Variants in ZNF184 observed in about 807,000 individuals in gnomAD.
The protein encoded by ZNF184 is zinc finger protein 184 (Kruppel-like).
In ZNF184, 16 loss-of-function variants were observed where a neutral mutation model predicts 54.4. The ratio of observed to expected loss-of-function variants is 0.29; its 90% CI spans 0.20 to 0.45. The LOEUF (loss-of-function observed/expected upper bound fraction) is 0.45, where lower values mean the gene tolerates loss of function less well. ZNF184 is among the 20% of genes least tolerant of loss of function. ZNF184 has a pLI of 1.00. For synonymous variants in ZNF184, 254 were observed against 295.3 expected (o/e 0.86, Z 1.43); for missense variants, 681 against 888.2 (o/e 0.77, Z 2.97).
chr6:27,468,023 G>A (rs150788726), intron 2 of ZNF184, 103 bp from the exon 3 acceptor site: 18 of 982,392 alleles, frequency 1.8e-5, no homozygotes, highest in Middle Eastern at 2.2e-4. Flanking sequence ...CAGAAACTAT[G>A]CCATTTCCTT....
At position 27,452,749 on chromosome 6, in the gene ZNF184, T is replaced by C. The variant is rs753493767; in HGVS notation, c.810A>G (p.Arg270=). ...SRSENLINHQ[R]IHTGDKPYKC... ...TATATGGTTTATCTCCAGTATGAATTCTTTGATGGTTTATAAGGTTTTCAC... is the reference window on the plus strand; with the variant it reads ...TATATGGTTTATCTCCAGTATGAATCCTTTGATGGTTTATAAGGTTTTCAC... The change falls in exon 6 of 6, where the codon AGA becomes AGG. Residue 270 remains arginine (R), a synonymous_variant. Coordinates refer to ENST00000683788, the MANE Select transcript of ZNF184 (RefSeq NM_001318891.2). The surrounding 1 kb of genome is among the most constrained non-coding windows in gnomAD (Gnocchi z 5.5). The C allele has an allele frequency of 1.2e-6, 2 of 1,614,024 alleles. No homozygotes were observed. The highest frequency in any genetic ancestry group is 1.7e-6 in the Non-Finnish European group (2 of 1,179,996).
chr6:27,422,148 A>AAAAAAAAGAAAG, the ZNF184 span, among the ~76,000 whole-genome samples: 1 of 43,454 alleles, frequency 2.3e-5, no homozygotes, highest in African/African-American at 8.5e-5. Flanking sequence ...CTCAAAAAAA[A>AAAAAAAAGAAAG]AAAGAAAGAA....
At chr6:27,426,728 T>A in the ZNF184 span, among the ~76,000 whole-genome samples, 1 of 152,250 alleles carries the variant, frequency 6.6e-6, no homozygotes, top group African/African-American at 2.4e-5. This position sits in a 1 kb window ranked among gnomAD's most constrained non-coding sequence, Gnocchi z 4.2. Flanking sequence ...CAGATTTCAG[T>A]TCCTTTGGAC....
intron 3 of ZNF184, among the ~76,000 whole-genome samples, chr6:27,459,655 C>T (rs2113722544): frequency 6.6e-6 from 1 of 152,172 alleles, no homozygotes; most frequent in African/African-American, 2.4e-5. Flanking sequence ...TCTGGTCTTC[C>T]TACTTCTAGG....
At chr6:27,465,584 T>TA (rs1763115772) in intron 3 of ZNF184, among the ~76,000 whole-genome samples, 1 of 130,672 alleles carries the variant, frequency 7.7e-6, no homozygotes, top group Admixed American at 7.7e-5. Context: ...AAAGCAAAAA[T>TA]ATATAAAAAT....
the ZNF184 span, chr6:27,404,782 C>G: frequency 6.6e-6 from 1 of 151,992 alleles, no homozygotes; most frequent in East Asian, 1.9e-4. Flanking sequence ...TTTGGGAGGC[C>G]AAGGCGGGTG....
rs765722128 is a variant in ZNF184, at chr6:27,452,478, G to T, written c.1081C>A (p.Pro361Thr). The change falls in exon 6 of 6, where the codon CCT becomes ACT. Residue 361 changes from proline to threonine, a missense_variant. By Grantham distance (38) the Pro-to-Thr change is conservative. Coordinates refer to ENST00000683788, the MANE Select transcript of ZNF184 (RefSeq NM_001318891.2). This position sits in a 1 kb window ranked among gnomAD's most constrained non-coding sequence, Gnocchi z 5.5. ...TTATCACATTCATCACATTTAAAAG[G>T]TTTTTCTCCCGTATGAATTTTCTGA... ...EHQKIHTGEKPFKCDECDKTF... is the reference protein window; with the variant it reads ...EHQKIHTGEKTFKCDECDKTF... 1 of 1,614,036 alleles carries T rather than the reference G, an allele frequency of 6.2e-7. No individual in the cohort carries two copies.
In ZNF184 at chr6:27,472,482, T is replaced by G. The variant is rs1763302614; in HGVS notation, c.-139-49A>C. The G allele has an allele frequency of 4.5e-6, 3 of 666,966 alleles. No individual in the cohort carries two copies. The Admixed American group carries it at 7.4e-5, about 16-fold the overall frequency. The allele number at this position is 666,966 out of a possible 1,614,324, so 41.3% of individuals were successfully genotyped here. A position where few individuals can be genotyped will look rare whatever the true frequency, so the allele number is the denominator to read the frequency against. Reference sequence around the variant, plus strand: ...GCAGCATACGTCACACAATCACACATCAGAGTCTTGCAAAGTGACCAAGAG... The same window carrying G: ...GCAGCATACGTCACACAATCACACAGCAGAGTCTTGCAAAGTGACCAAGAG... On this transcript the variant is annotated intron_variant, in intron 1 of 5. Transcript: ENST00000683788. The surrounding 1 kb of genome is among the most constrained non-coding windows in gnomAD (Gnocchi z 4.8).
intron 2 of ZNF184, among the ~76,000 whole-genome samples, chr6:27,471,276 A>C (rs1275489493): frequency 6.6e-6 from 1 of 152,240 alleles, no homozygotes; most frequent in Non-Finnish European, 1.5e-5. Context: ...GAATAACTAA[A>C]TTAGGATTCA....
the ZNF184 span, among the ~76,000 whole-genome samples, chr6:27,416,681 G>A: frequency 6.4e-3 from 968 of 152,270 alleles, 12 homozygotes; most frequent in African/African-American, 0.021. Flanking sequence ...CTGAGTGTCA[G>A]CCTTTGCCAG....
the ZNF184 span, among the ~76,000 whole-genome samples, chr6:27,409,242 G>A: frequency 6.6e-6 from 1 of 152,156 alleles, no homozygotes; most frequent in Admixed American, 6.5e-5. Flanking sequence ...GCTCATGCCT[G>A]TAATCCCAGC....
chr6:27,424,626 G>A, the ZNF184 span, among the ~76,000 whole-genome samples: 1 of 152,198 alleles, frequency 6.6e-6, no homozygotes, highest in Non-Finnish European at 1.5e-5. Context: ...CAAACCCTGA[G>A]CTAGACACAG....
chr6:27,448,774 TTC>T (rs1762667069), downstream of ZNF184, among the ~76,000 whole-genome samples: 1 of 151,134 alleles, frequency 6.6e-6, no homozygotes, highest in Admixed American at 6.6e-5. Flanking sequence ...CTTTTTTTTT[TTC>T]CCCCATATCA....
At chr6:27,412,681 G>A in the ZNF184 span, among the ~76,000 whole-genome samples, 1 of 152,286 alleles carries the variant, frequency 6.6e-6, no homozygotes, top group African/African-American at 2.4e-5. Context: ...CCATAGCTTG[G>A]CTTTATACGT....
the ZNF184 span, among the ~76,000 whole-genome samples, chr6:27,410,880 T>C: frequency 2.0e-5 from 3 of 152,074 alleles, no homozygotes; most frequent in African/African-American, 7.2e-5. Flanking sequence ...AGGGTGAAGA[T>C]TAATCTGGTA....
At chr6:27,449,912 C>A (rs139804530), downstream of ZNF184, among the ~76,000 whole-genome samples, 98 of 152,094 alleles carry the variant, frequency 6.4e-4, 1 homozygote, top group African/African-American at 2.2e-3. Context: ...AAATAACTTC[C>A]TCCCTCTGCT....
chr6:27,435,056 C>T, the ZNF184 span, among the ~76,000 whole-genome samples: 1 of 152,268 alleles, frequency 6.6e-6, no homozygotes, highest in East Asian at 1.9e-4. Context: ...CTTCTGATTA[C>T]TGTAAATTTG....
At chr6:27,412,989 C>G in the ZNF184 span, among the ~76,000 whole-genome samples, 3 of 152,234 alleles carry the variant, frequency 2.0e-5, no homozygotes, top group Non-Finnish European at 4.4e-5. Flanking sequence ...GTAATCCCAG[C>G]ACTTTGGGAG....
At chr6:27,417,275 TG>T in the ZNF184 span, among the ~76,000 whole-genome samples, 1 of 152,248 alleles carries the variant, frequency 6.6e-6, no homozygotes, top group Non-Finnish European at 1.5e-5. Context: ...CACCTCTTTC[TG>T]ATTTTGATCC....
Sources: gnomAD v4.1 joint callset for allele counts (sites outside exome capture counted in the v4.1 genomes callset) on GRCh38, gnomAD v4.1.1 for gene constraint, Gnocchi (gnomAD v3.1) non-coding constraint, MANE v1.5 for transcripts, NCBI Gene and HGNC (gene_info 2026-07-23, HGNC 2026-07-21) for gene names.